Variants in HERC3 observed in about 807,000 individuals in gnomAD.
HERC3 encodes the protein probable E3 ubiquitin-protein ligase HERC3.
HERC3 carries 58 observed loss-of-function variants against 129.9 expected under a neutral mutation model. The observed-to-expected ratio is 0.45, with a 90% CI of 0.36 to 0.56. The LOEUF (loss-of-function observed/expected upper bound fraction) is 0.56. Among genes scored for constraint, HERC3 ranks in the 20% least tolerant of loss-of-function variants. The pLI is 0.00. For synonymous variants in HERC3, 430 were observed against 451.0 expected (o/e 0.95, Z 0.59); for missense variants, 835 against 1,244.2 (o/e 0.67, Z 4.95).
At chr4:88,642,417 C>T (rs1233274230) in intron 3 of HERC3, among the ~76,000 whole-genome samples, 1 of 152,202 alleles carries the variant, frequency 6.6e-6, no homozygotes, top group Non-Finnish European at 1.5e-5. Context: ...AGGACATCTA[C>T]CAACAAATCT....
the HERC3 span, among the ~76,000 whole-genome samples, chr4:88,561,354 C>T: frequency 6.6e-6 from 1 of 151,910 alleles, no homozygotes; most frequent in Non-Finnish European, 1.5e-5. Flanking sequence ...CTATTTGTCA[C>T]TTTATTTAAT....
chr4:88,653,790 T>C (rs1729548262), intron 6 of HERC3, among the ~76,000 whole-genome samples: 1 of 152,154 alleles, frequency 6.6e-6, no homozygotes, highest in African/African-American at 2.4e-5. Context: ...AATGACTGTT[T>C]CTGAAATGGG....
At chr4:88,607,199 G>A (rs914337085) in intron 3 of HERC3, among the ~76,000 whole-genome samples, 5 of 151,042 alleles carry the variant, frequency 3.3e-5, no homozygotes, top group Middle Eastern at 6.8e-3. Flanking sequence ...GTGTGTGTAT[G>A]CATGTGCACT....
Position 88,670,014 on chromosome 4 carries a change from G to A in HERC3, c.1788G>A (p.Lys596=), listed in dbSNP as rs769021367. ...CAGCAGCTCTCAAACTCTTGGAGAA[G>A]TTATATAAGGTGAGCATAGGAGGTG... is the stretch of plus-strand genomic sequence containing the variant. ...YITAALKLLE[K]LYKVNLKVKH... is the part of the protein sequence containing the mutation. Residue 596 remains lysine (K), a synonymous_variant, in exon 15 of 26, where the codon AAG becomes AAA. Transcript: ENST00000402738. The A allele has an allele frequency of 5.0e-6, 8 of 1,613,800 alleles. No homozygotes were observed. The highest frequency in any genetic ancestry group is 1.1e-5 in the South Asian group (1 of 91,072).
the HERC3 span, among the ~76,000 whole-genome samples, chr4:88,581,970 A>G: frequency 6.6e-6 from 1 of 152,176 alleles, no homozygotes; most frequent in Non-Finnish European, 1.5e-5. Context: ...TATTCAGTGG[A>G]ATCATCAAGA....
In HERC3 at chr4:88,658,774, T is replaced by G. The variant is rs1284288301; in HGVS notation, c.1146+283T>G. 2.0e-5 allele frequency among the ~76,000 whole-genome samples: 3 copies of G among 152,102 alleles called. No individual in the cohort carries two copies. The East Asian group carries it at 5.8e-4, about 29-fold the overall frequency. ...AACTCTGTAAAGGATGCCTAGGGAGTTGGTGCTTACTTTGGCATTATTTGA... is the reference window on the plus strand; with the variant it reads ...AACTCTGTAAAGGATGCCTAGGGAGGTGGTGCTTACTTTGGCATTATTTGA... On this transcript the variant is annotated intron_variant, in intron 10 of 25. Transcript: ENST00000402738.
At chr4:88,651,896 A>T (rs1226805977) in intron 4 of HERC3, 116 bp from the exon 5 acceptor site, 1 of 811,760 alleles carries the variant, frequency 1.2e-6, no homozygotes, top group African/African-American at 1.7e-5. Flanking sequence ...CCTTAAAAAG[A>T]CTTTTAGGCA....
intron 9 of HERC3, chr4:88,656,736 C>G (rs1729944420): frequency 6.6e-6 from 1 of 152,120 alleles, no homozygotes; most frequent in South Asian, 2.1e-4. Flanking sequence ...AATGACAGTT[C>G]GCATGTATTG....
the HERC3 span, among the ~76,000 whole-genome samples, chr4:88,562,421 G>T: frequency 6.6e-6 from 1 of 152,074 alleles, no homozygotes; most frequent in African/African-American, 2.4e-5. Flanking sequence ...TGTCAGATGG[G>T]TAGTTTGCAG....
chr4:88,603,247 G>A (rs1339217449), intron 2 of HERC3, among the ~76,000 whole-genome samples: 2 of 122,184 alleles, frequency 1.6e-5, no homozygotes, highest in Non-Finnish European at 3.3e-5. Context: ...TGCTCTTGTT[G>A]CCCAGGCTGG....
chr4:88,567,369 AC>A, the HERC3 span, among the ~76,000 whole-genome samples: 1 of 152,092 alleles, frequency 6.6e-6, no homozygotes, highest in African/African-American at 2.4e-5. Flanking sequence ...CTTTGAATAA[AC>A]CTTTTACCCT....
At chr4:88,674,149 G>C (rs2149306894) in intron 16 of HERC3, among the ~76,000 whole-genome samples, 1 of 152,274 alleles carries the variant, frequency 6.6e-6, no homozygotes, top group East Asian at 1.9e-4. Context: ...GGTGTGGGAA[G>C]GGGTCAGGTG....
At chr4:88,682,049 C>A (rs1041912240) in intron 21 of HERC3, among the ~76,000 whole-genome samples, 1 of 152,124 alleles carries the variant, frequency 6.6e-6, no homozygotes, top group Non-Finnish European at 1.5e-5. Context: ...TTTAAACTGC[C>A]AAATAGTGTT....
At chr4:88,584,396 G>A in the HERC3 span, among the ~76,000 whole-genome samples, 3 of 152,100 alleles carry the variant, frequency 2.0e-5, no homozygotes, top group Non-Finnish European at 2.9e-5. Flanking sequence ...AACATGGCCC[G>A]GGGTGCACGT....
chr4:88,682,657 A>C (rs964213544), intron 21 of HERC3, among the ~76,000 whole-genome samples: 17 of 151,948 alleles, frequency 1.1e-4, no homozygotes, highest in African/African-American at 2.4e-4. Flanking sequence ...TGAACTCATC[A>C]TTTTTTATGG....
chr4:88,587,369 T>C, the HERC3 span, among the ~76,000 whole-genome samples: 3 of 152,228 alleles, frequency 2.0e-5, no homozygotes, highest in African/African-American at 7.2e-5. Context: ...ATTTTGCTTT[T>C]GCTTGGATTG....
the HERC3 span, among the ~76,000 whole-genome samples, chr4:88,555,976 A>G: frequency 6.6e-6 from 1 of 152,194 alleles, no homozygotes; most frequent in East Asian, 1.9e-4. Flanking sequence ...CCAATGGATA[A>G]TTGGGTTGGA....
intron 25 of HERC3, among the ~76,000 whole-genome samples, chr4:88,704,863 C>CTTTCTTTTTTTTTTTTTTTTTTTTTTTTT (rs1336673525): frequency 4.6e-5 from 6 of 130,672 alleles, no homozygotes; most frequent in Non-Finnish European, 6.4e-5. Flanking sequence ...TTCTTTCTTT[C>CTTTCTTTTTTTTTTTTTTTTTTTTTTTTT]TTTTTTTTTT....
intron 3 of HERC3, among the ~76,000 whole-genome samples, chr4:88,623,717 C>A (rs186373958): frequency 1.3e-5 from 2 of 152,076 alleles, no homozygotes; most frequent in Non-Finnish European, 2.9e-5. Context: ...ATCTTTTCAC[C>A]CCTAGTATTT....
Sources: allele counts gnomAD v4.1 joint callset (sites outside exome capture counted in the v4.1 genomes callset), GRCh38; gene constraint gnomAD v4.1.1; transcripts MANE v1.5; gene names NCBI Gene and HGNC (gene_info 2026-07-23, HGNC 2026-07-21).